The following LPIN1 variants were observed in gnomAD, a reference collection of about 807,000 sequenced individuals.
LPIN1 encodes lipin 1, also known as phosphatidate phosphatase LPIN1.
Under a neutral mutation model 107.5 loss-of-function variants are expected in LPIN1, and 71 were observed. The ratio of observed to expected loss-of-function variants is 0.66; its 90% CI spans 0.55 to 0.80. The LOEUF is 0.80. LPIN1 is among the 30% of genes least tolerant of loss of function. The pLI is 0.00. For missense variants in LPIN1, 1,043 were observed against 1,160.6 expected, an observed-to-expected ratio of 0.90 and a Z score of 1.47; for synonymous variants, 445 against 452.6, an observed-to-expected ratio of 0.98 and a Z score of 0.21.
At chr2:11,795,608 T>G in intron 14 of LPIN1, 121 bp downstream of exon 14, 2 of 935,902 alleles carry the variant, frequency 2.1e-6, no homozygotes, top group Non-Finnish European at 3.5e-6. Context: ...TGTGATTCAC[T>G]TGGTGACCTG....
Position 11,801,480 on chromosome 2 carries a change from G to A in LPIN1, c.1887-1427G>A, listed in dbSNP as rs543063407. 3.9e-5 allele frequency among the ~76,000 whole-genome samples: 6 copies of A among 152,320 alleles called. No individual in the cohort carries two copies. The East Asian group carries it at 1.2e-3, about 29-fold the overall frequency. ...CGTGGGTGGAATAGGAGGTCATTAT[G>A]TTAAGTGAAATAAGCCAGGCACAGA... On this transcript the variant is annotated intron_variant, in intron 14 of 20. Coordinates refer to ENST00000674199, the MANE Select transcript of LPIN1 (RefSeq NM_001349206.2).
In LPIN1 at chr2:11,803,912, G is replaced by T. The variant is rs1678200199; in HGVS notation, c.2014-511G>T. On this transcript the variant is annotated intron_variant, in intron 15 of 20. Transcript: ENST00000674199. The surrounding 1 kb of genome is among the most constrained non-coding windows in gnomAD (Gnocchi z 4.2). Reference sequence around the variant, plus strand: ...CTATATTCTTCTGGATATGAGGCATGACTGATAACCAAGACTTCTCTTTTT... The same window carrying T: ...CTATATTCTTCTGGATATGAGGCATTACTGATAACCAAGACTTCTCTTTTT... Among the ~76,000 whole-genome samples, 1 of 152,194 alleles carries T rather than the reference G, an allele frequency of 6.6e-6. No individual in the cohort carries two copies. Among genetic ancestry groups the T allele is most frequent in the Non-Finnish European group, 1.5e-5 (1 of 68,038 alleles).
chr2:11,703,898 A>G (rs936704303), intron 1 of LPIN1, among the ~76,000 whole-genome samples: 3 of 152,132 alleles, frequency 2.0e-5, no homozygotes, highest in African/African-American at 4.8e-5. Context: ...TCTGTTCCTC[A>G]TGGCATTGAC....
At position 11,795,507 on chromosome 2, in the gene LPIN1, G is replaced by A. The variant is rs763633127; in HGVS notation, c.1886+20G>A. 1.2e-6 allele frequency: 2 copies of A among 1,611,792 alleles called. No homozygotes were observed. Among genetic ancestry groups the A allele is most frequent in the Non-Finnish European group, 8.5e-7 (1 of 1,178,034 alleles). ...CACCAGGTGCGGTAGGAGGCTTCTT[G>A]GGATGTTTGCAGCCCCTTTCCGCAT... On this transcript the variant is annotated intron_variant, in intron 14 of 20. Coordinates refer to ENST00000674199, the MANE Select transcript of LPIN1 (RefSeq NM_001349206.2).
At chr2:11,732,919 G>T (rs1665397010) in intron 1 of LPIN1, among the ~76,000 whole-genome samples, 1 of 151,446 alleles carries the variant, frequency 6.6e-6, no homozygotes, top group Non-Finnish European at 1.5e-5. Context: ...CTCTGTGTGT[G>T]TGTGTGTGTG....
At chr2:11,685,354 T>G (rs562399167) in intron 1 of LPIN1, among the ~76,000 whole-genome samples, 112 of 152,178 alleles carry the variant, frequency 7.4e-4, no homozygotes, top group African/African-American at 2.5e-3. Context: ...GACCCCACCT[T>G]GGGGTGTCAT....
intron 17 of LPIN1, among the ~76,000 whole-genome samples, chr2:11,813,196 T>A (rs1465128209): frequency 6.6e-6 from 1 of 152,084 alleles, no homozygotes; most frequent in African/African-American, 2.4e-5. Context: ...GTGGAGTTCA[T>A]AGTAGCCTGC....
rs1386193816 is a variant in LPIN1 at position 11,782,473 on chromosome 2, A to G, written c.1230A>G (p.Thr410=). The G allele has an allele frequency of 6.2e-7, 1 of 1,614,072 alleles. No homozygotes were observed. Among genetic ancestry groups the G allele is most frequent in the African/African-American group, 1.3e-5 (1 of 74,926 alleles). Residue 410 remains threonine (T), a synonymous_variant, in exon 8 of 21, where the codon ACA becomes ACG. Transcript: ENST00000674199. ...LKPPSASVVQ[T]ANKTDSPSRK... is the part of the protein sequence containing the mutation. ...CCCCCTCTGCCAGTGTAGTCCAGAC[A>G]GCAAACAAGACGGATTCTCCTTCCA...
intron 9 of LPIN1, chr2:11,784,420 T>C: frequency 9.0e-7 from 1 of 1,116,320 alleles, no homozygotes. Context: ...GCCCCACCTC[T>C]GGACAGGGGC....
chr2:11,804,687 G>T, intron 16 of LPIN1, 116 bp downstream of exon 16: 1 of 1,125,510 alleles, frequency 8.9e-7, no homozygotes, highest in Non-Finnish European at 1.3e-6. Flanking sequence ...TCGAATTCTG[G>T]TGCAGTTGGA....
intron 18 of LPIN1, chr2:11,818,140 G>C (rs760123664): frequency 6.6e-6 from 1 of 152,144 alleles, no homozygotes; most frequent in Non-Finnish European, 1.5e-5. Flanking sequence ...TCCCAGCATC[G>C]GAAGTGCTAG....
At chr2:11,810,728 C>T (rs146227297) in intron 17 of LPIN1, among the ~76,000 whole-genome samples, 93 of 152,276 alleles carry the variant, frequency 6.1e-4, no homozygotes, top group South Asian at 1.2e-3. Context: ...GGGATGGTGC[C>T]GCATATCTGA....
intron 12 of LPIN1, among the ~76,000 whole-genome samples, chr2:11,789,913 A>G (rs998586375): frequency 6.6e-6 from 1 of 152,234 alleles, no homozygotes; most frequent in Non-Finnish European, 1.5e-5. Context: ...TTGACTATAT[A>G]TGGCATTTCT....
In LPIN1 at chr2:11,695,021, C is replaced by T. The variant is rs150545371; in HGVS notation, c.81+17293C>T. Reference sequence around the variant, plus strand: ...TGCCCATGAAATAAATACCTGAAAACCAAGGCCCCAGGTGGTCATGAGGCT... The same window carrying T: ...TGCCCATGAAATAAATACCTGAAAATCAAGGCCCCAGGTGGTCATGAGGCT... On this transcript the variant is annotated intron_variant, in intron 1 of 21. Transcript: ENST00000449576. 3.2e-3 allele frequency among the ~76,000 whole-genome samples: 487 copies of T among 152,258 alleles called. 1 individual carries two copies. The highest frequency in any genetic ancestry group is 5.5e-3 in the Non-Finnish European group (377 of 68,018).
rs770404514 is a variant in LPIN1 at position 11,804,456 on chromosome 2, G to C, written c.2047G>C (p.Val683Leu). ...GAAGTTGAAGAATGGCCCCAACGAC[G>C]TGGTTTTCAGTGTCACCACGCAGTA... ...SLKLKNGPND[V>L]VFSVTTQYQG... Residue 683 changes from valine (V) to leucine (L), a missense_variant, in exon 16 of 21, where the codon GTG becomes CTG. Val to Leu is a conservative substitution (Grantham distance 32). Coordinates refer to ENST00000674199, the MANE Select transcript of LPIN1 (RefSeq NM_001349206.2). The C allele has an allele frequency of 2.5e-5, 41 of 1,614,096 alleles. 1 individual carries two copies. The East Asian group carries it at 4.0e-4, about 16-fold the overall frequency.
chr2:11,801,873 G>A (rs147498411), intron 14 of LPIN1, among the ~76,000 whole-genome samples: 1 of 151,946 alleles, frequency 6.6e-6, no homozygotes, highest in East Asian at 1.9e-4. Flanking sequence ...ACGTTTATCA[G>A]AATATTACAT....
chr2:11,733,484 T>TCC (rs1491440248), intron 1 of LPIN1, among the ~76,000 whole-genome samples: 2 of 149,608 alleles, frequency 1.3e-5, no homozygotes, highest in Non-Finnish European at 3.0e-5. Context: ...GTGTTTTCTT[T>TCC]CTCTCTCTCT....
chr2:11,713,410 A>G (rs939154107), intron 1 of LPIN1, among the ~76,000 whole-genome samples: 13 of 152,318 alleles, frequency 8.5e-5, no homozygotes, highest in South Asian at 4.1e-4. Flanking sequence ...AGCTGGGATT[A>G]TAGCTGCCCA....
chr2:11,731,178 T>A (rs1665158453), intron 1 of LPIN1, among the ~76,000 whole-genome samples: 1 of 152,182 alleles, frequency 6.6e-6, no homozygotes, highest in Admixed American at 6.5e-5. Context: ...GTTATCTAGG[T>A]TTAAGCCCTG....
Sources: gnomAD v4.1 joint callset for allele counts (sites outside exome capture counted in the v4.1 genomes callset) on GRCh38, gnomAD v4.1.1 for gene constraint, Gnocchi (gnomAD v3.1) non-coding constraint, MANE v1.5 for transcripts, NCBI Gene and HGNC (gene_info 2026-07-23, HGNC 2026-07-21) for gene names.